The following ADAMTS18 variants were observed in gnomAD, a reference collection of about 807,000 sequenced individuals.
ADAMTS18 encodes the protein ADAM metallopeptidase with thrombospondin type 1 motif 18, also known as A disintegrin and metalloproteinase with thrombospondin motifs 18.
Under a neutral mutation model 165.9 loss-of-function variants are expected in ADAMTS18, and 157 were observed. The ratio of observed to expected loss-of-function variants is 0.95; its 90% CI spans 0.83 to 1.08. ADAMTS18 has a LOEUF of 1.08. Ranked by LOEUF, ADAMTS18 falls within the 50% of genes least tolerant of loss-of-function variation. ADAMTS18 has a pLI of 0.00. For missense variants in ADAMTS18, 2,040 were observed against 1,534.0 expected, an observed-to-expected ratio of 1.33 and a Z score of -5.51; for synonymous variants, 782 against 578.2, an observed-to-expected ratio of 1.35 and a Z score of -5.06.
chr16:77,334,823 C>CA (rs2056278179), intron 12 of ADAMTS18, among the ~76,000 whole-genome samples: 1 of 117,792 alleles, frequency 8.5e-6, no homozygotes, highest in South Asian at 2.5e-4. Flanking sequence ...AGTATATATA[C>CA]TATATACTAT....
At chr16:77,343,572 G>C (rs1193202002) in intron 10 of ADAMTS18, among the ~76,000 whole-genome samples, 1 of 152,132 alleles carries the variant, frequency 6.6e-6, no homozygotes, top group Non-Finnish European at 1.5e-5. Context: ...TGATGCTGTT[G>C]AACTTTTAAA....
At chr16:77,372,646 T>C (rs562232544) in intron 3 of ADAMTS18, among the ~76,000 whole-genome samples, 1 of 152,150 alleles carries the variant, frequency 6.6e-6, no homozygotes, top group South Asian at 2.1e-4. Context: ...TTATGAAGAT[T>C]ATGGGACAAG....
chr16:77,394,908 A>G (rs1174163838), intron 3 of ADAMTS18, among the ~76,000 whole-genome samples: 1 of 152,206 alleles, frequency 6.6e-6, no homozygotes, highest in African/African-American at 2.4e-5. Context: ...CAAAACTGCA[A>G]GACAACATGA....
At chr16:77,418,274 T>A (rs1213300265) in intron 3 of ADAMTS18, among the ~76,000 whole-genome samples, 4 of 152,146 alleles carry the variant, frequency 2.6e-5, no homozygotes, top group Admixed American at 2.6e-4. Flanking sequence ...GACAATGAAA[T>A]AAACAGCAGG....
chr16:77,309,469 T>C (rs1476465773), intron 16 of ADAMTS18, among the ~76,000 whole-genome samples: 1 of 152,184 alleles, frequency 6.6e-6, no homozygotes, highest in Non-Finnish European at 1.5e-5. Flanking sequence ...CTGTTGCACA[T>C]GTTGAAACCA....
chr16:77,422,282 T>C (rs370870115), intron 3 of ADAMTS18, among the ~76,000 whole-genome samples: 6 of 152,058 alleles, frequency 3.9e-5, no homozygotes, highest in Non-Finnish European at 8.8e-5. Flanking sequence ...TCAGGTATTA[T>C]ATAGGGTCCA....
rs986904775 is a variant in ADAMTS18, at chr16:77,434,821, C to A, written c.-126G>T. 161 of 750,550 alleles carry A rather than the reference C, an allele frequency of 2.1e-4. No individual in the cohort carries two copies. Among genetic ancestry groups the A allele is most frequent in the Non-Finnish European group, 2.8e-4 (151 of 541,330 alleles). 46.5% of individuals were successfully genotyped at this position (750,550 alleles called of 1,614,324 possible). ...GTGCGGCTCCAGGTGAGAGCCGCCGCCGTTCACATCGCAGCGGGGGCGCGC... is the reference window on the plus strand; with the variant it reads ...GTGCGGCTCCAGGTGAGAGCCGCCGACGTTCACATCGCAGCGGGGGCGCGC... On this transcript the variant is annotated 5_prime_UTR_variant, in exon 1 of 23. Coordinates refer to ENST00000282849, the MANE Select transcript of ADAMTS18 (RefSeq NM_199355.4).
intron 4 of ADAMTS18, among the ~76,000 whole-genome samples, chr16:77,366,412 G>C (rs2056794376): frequency 6.6e-6 from 1 of 152,114 alleles, no homozygotes; most frequent in Non-Finnish European, 1.5e-5. Context: ...ACAAAAATTA[G>C]CTTGGCGTGC....
intron 22 of ADAMTS18, among the ~76,000 whole-genome samples, chr16:77,285,812 T>G (rs2055239271): frequency 6.6e-6 from 1 of 152,300 alleles, no homozygotes; most frequent in South Asian, 2.1e-4. Flanking sequence ...TGGCTCAATC[T>G]TTAAAATGCA....
intron 3 of ADAMTS18, among the ~76,000 whole-genome samples, chr16:77,407,517 G>C (rs889397253): frequency 4.6e-5 from 7 of 152,030 alleles, no homozygotes; most frequent in Admixed American, 3.3e-4. Flanking sequence ...ACAAAGATGA[G>C]GGACTTATAC....
At chr16:77,299,714 T>C (rs2055544174) in intron 17 of ADAMTS18, among the ~76,000 whole-genome samples, 1 of 152,212 alleles carries the variant, frequency 6.6e-6, no homozygotes, top group South Asian at 2.1e-4. Context: ...ACTCACCCAG[T>C]AGATGGTTGC....
At chr16:77,339,286 G>C (rs572309437) in intron 11 of ADAMTS18, among the ~76,000 whole-genome samples, 13 of 152,234 alleles carry the variant, frequency 8.5e-5, no homozygotes, top group African/African-American at 2.9e-4. Flanking sequence ...AACTTATTAA[G>C]ATGCTTTCTG....
intron 20 of ADAMTS18, among the ~76,000 whole-genome samples, 199 bp from the exon 21 acceptor site, chr16:77,291,677 G>C (rs2055367341): frequency 6.6e-6 from 1 of 152,246 alleles, no homozygotes; most frequent in African/African-American, 2.4e-5. Context: ...CCAAAGTTCA[G>C]AGAACGGAAC....
intron 8 of ADAMTS18, among the ~76,000 whole-genome samples, chr16:77,358,127 A>G (rs998458241): frequency 6.6e-6 from 1 of 152,342 alleles, no homozygotes; most frequent in African/African-American, 2.4e-5. Flanking sequence ...CTCCATTTAC[A>G]ATTTTAAAAA....
chr16:77,316,998 C>T (rs544768665), intron 16 of ADAMTS18, among the ~76,000 whole-genome samples: 9 of 152,126 alleles, frequency 5.9e-5, no homozygotes, highest in African/African-American at 9.7e-5. Context: ...GCTTCCTCCG[C>T]GTGAATTTCC....
chr16:77,317,351 A>G (rs1246518211), intron 16 of ADAMTS18, among the ~76,000 whole-genome samples: 2 of 152,086 alleles, frequency 1.3e-5, no homozygotes, highest in African/African-American at 4.8e-5. Context: ...TTTGTTTGAG[A>G]TGGAGTCTCA....
chr16:77,290,933 C>T, intron 21 of ADAMTS18: 1 of 393,364 alleles, frequency 2.5e-6, no homozygotes, highest in African/African-American at 2.1e-5. Context: ...ATTTCTAAAA[C>T]AGAAAGACTC....
At chr16:77,284,692 T>C (rs528625932) in intron 22 of ADAMTS18, among the ~76,000 whole-genome samples, 7 of 152,312 alleles carry the variant, frequency 4.6e-5, no homozygotes, top group Admixed American at 2.0e-4. Flanking sequence ...CCTCCCTATG[T>C]AGCCTGGGAG....
At chr16:77,382,906 G>C (rs1264939162) in intron 3 of ADAMTS18, among the ~76,000 whole-genome samples, 1 of 152,176 alleles carries the variant, frequency 6.6e-6, no homozygotes, top group Non-Finnish European at 1.5e-5. Context: ...GCGGCGGCTT[G>C]AATGTCTGGG....
Sources: allele counts gnomAD v4.1 joint callset (sites outside exome capture counted in the v4.1 genomes callset), GRCh38; gene constraint gnomAD v4.1.1; transcripts MANE v1.5; gene names NCBI Gene and HGNC (gene_info 2026-07-23, HGNC 2026-07-21).